Variants in PPARGC1A observed in about 807,000 individuals in gnomAD.
The protein encoded by PPARGC1A is PPARG coactivator 1 alpha, also known as peroxisome proliferator-activated receptor gamma coactivator 1-alpha.
In PPARGC1A, 25 loss-of-function variants were observed where a neutral mutation model predicts 88.7. The observed-to-expected ratio is 0.28, with a 90% CI of 0.21 to 0.39. The LOEUF (loss-of-function observed/expected upper bound fraction) is 0.39, where lower values mean the gene tolerates loss of function less well. PPARGC1A is among the 10% of genes least tolerant of loss of function. PPARGC1A has a pLI of 1.00. For synonymous variants in PPARGC1A, 363 were observed against 355.6 expected (o/e 1.02, Z -0.24); for missense variants, 880 against 968.7 (o/e 0.91, Z 1.22).
rs535084060 is a variant in PPARGC1A, at chr4:23,841,777, C to A, written c.235-10026G>T. ...CCATCATCTTAAATCCCAACTTGTACTTTTTCTGTTCATTTAAATAATGCC... is the reference window on the plus strand; with the variant it reads ...CCATCATCTTAAATCCCAACTTGTAATTTTTCTGTTCATTTAAATAATGCC... On this transcript the variant is annotated intron_variant, in intron 2 of 12. Transcript: ENST00000264867. 1.2e-4 allele frequency among the ~76,000 whole-genome samples: 19 copies of A among 152,100 alleles called. No individual in the cohort carries two copies. In the South Asian group the frequency reaches 3.9e-3, roughly 31 times the overall value.
At chr4:23,984,976 A>G in the PPARGC1A span, among the ~76,000 whole-genome samples, 126,325 of 152,042 alleles carry the variant, frequency 0.83, 52,598 homozygotes, top group Non-Finnish European at 0.84. Context: ...CACTATACGC[A>G]ATGCCATCTA....
chr4:23,832,292 T>G (rs112951849), intron 2 of PPARGC1A, among the ~76,000 whole-genome samples: 3,502 of 152,226 alleles, frequency 0.023, 69 homozygotes, highest in Middle Eastern at 0.075. Context: ...TCCAAAATCA[T>G]TTATTTATTT....
At chr4:24,046,404 G>C in the PPARGC1A span, among the ~76,000 whole-genome samples, 5 of 152,094 alleles carry the variant, frequency 3.3e-5, no homozygotes, top group Non-Finnish European at 5.9e-5. Context: ...CTCTCTCAAA[G>C]GAGCCCCTTC....
the PPARGC1A span, among the ~76,000 whole-genome samples, chr4:24,067,442 A>T: frequency 6.6e-6 from 1 of 152,208 alleles, no homozygotes; most frequent in Non-Finnish European, 1.5e-5. Flanking sequence ...ATATACTTCC[A>T]GTAGGAAGCC....
At chr4:24,136,403 C>T in the PPARGC1A span, among the ~76,000 whole-genome samples, 1 of 152,124 alleles carries the variant, frequency 6.6e-6, no homozygotes, top group African/African-American at 2.4e-5. Flanking sequence ...TGTAAACACG[C>T]AAAGTAAGAT....
At chr4:24,211,136 G>A in the PPARGC1A span, among the ~76,000 whole-genome samples, 2 of 152,132 alleles carry the variant, frequency 1.3e-5, no homozygotes, top group East Asian at 3.8e-4. Context: ...CCCAGAGCCT[G>A]CCTAGCACGT....
the PPARGC1A span, among the ~76,000 whole-genome samples, chr4:24,038,356 T>C: frequency 6.6e-6 from 1 of 151,948 alleles, no homozygotes; most frequent in Non-Finnish European, 1.5e-5. Context: ...TGCATTAGAG[T>C]TTACCTAAGC....
the PPARGC1A span, among the ~76,000 whole-genome samples, chr4:24,266,101 G>C: frequency 3.9e-5 from 6 of 152,170 alleles, no homozygotes. Flanking sequence ...AGAACAGAAC[G>C]TAACGAGAGA....
chr4:24,082,008 C>T, the PPARGC1A span, among the ~76,000 whole-genome samples: 1 of 152,090 alleles, frequency 6.6e-6, no homozygotes, highest in East Asian at 1.9e-4. Flanking sequence ...AACTGAAATA[C>T]ACTTGATATG....
chr4:24,214,992 G>A, the PPARGC1A span, among the ~76,000 whole-genome samples: 1 of 152,180 alleles, frequency 6.6e-6, no homozygotes, highest in Non-Finnish European at 1.5e-5. Context: ...GGGTCCTTAA[G>A]TCTGTGGCTT....
At chr4:23,942,052 C>T in the PPARGC1A span, among the ~76,000 whole-genome samples, 1 of 151,752 alleles carries the variant, frequency 6.6e-6, no homozygotes, top group Non-Finnish European at 1.5e-5. Context: ...CAGATACAGT[C>T]TTTTCACTGT....
chr4:23,889,262 G>A, intron 1 of PPARGC1A: 1 of 985,352 alleles, frequency 1.0e-6, no homozygotes, highest in Non-Finnish European at 1.2e-6. Context: ...TGCCACCGAC[G>A]CGAACGGAAA....
rs1056394765 is a variant in PPARGC1A at position 23,889,367 on chromosome 4, C to G, written c.54+537G>C. On this transcript the variant is annotated intron_variant, in intron 1 of 12. Transcript: ENST00000264867. ...GGAAGCAGCATCGTTGTTTTGTGTT[C>G]TGTGGGAAAAGCAATCTAAAATAGC... 5 of 985,090 alleles carry G rather than the reference C, an allele frequency of 5.1e-6. No individual in the cohort carries two copies. The Admixed American group carries it at 2.5e-4, about 48-fold the overall frequency. 61.0% of individuals were successfully genotyped at this position (985,090 alleles called of 1,614,324 possible). A position where few individuals can be genotyped will look rare whatever the true frequency, so the allele number is the denominator to read the frequency against.
the PPARGC1A span, among the ~76,000 whole-genome samples, chr4:24,015,171 CATAA>C: frequency 2.6e-5 from 4 of 152,038 alleles, no homozygotes; most frequent in African/African-American, 9.6e-5. Flanking sequence ...GATATACAGT[CATAA>C]ATAAATATAC....
chr4:23,799,674 C>A (rs1718300554), intron 12 of PPARGC1A, among the ~76,000 whole-genome samples: 1 of 152,158 alleles, frequency 6.6e-6, no homozygotes, highest in South Asian at 2.1e-4. Context: ...GGCAAAGTTT[C>A]TATTGCTGCC....
At chr4:24,248,211 G>A in the PPARGC1A span, among the ~76,000 whole-genome samples, 3 of 151,900 alleles carry the variant, frequency 2.0e-5, no homozygotes, top group Admixed American at 6.6e-5. Flanking sequence ...TGCAAGCTCC[G>A]CCTCCCGGGT....
the PPARGC1A span, among the ~76,000 whole-genome samples, chr4:24,171,739 T>A: frequency 2.6e-5 from 4 of 152,256 alleles, no homozygotes; most frequent in African/African-American, 9.6e-5. Flanking sequence ...TATTAATTCA[T>A]GATAGATGTA....
the PPARGC1A span, among the ~76,000 whole-genome samples, chr4:24,139,840 CA>C: frequency 6.6e-6 from 1 of 152,106 alleles, no homozygotes; most frequent in Non-Finnish European, 1.5e-5. Context: ...CTGAGTGCAC[CA>C]AAAAGGAGGT....
chr4:23,802,138 T>A (rs1395814200), intron 11 of PPARGC1A, 86 bp downstream of exon 11: 2 of 1,567,624 alleles, frequency 1.3e-6, no homozygotes, highest in African/African-American at 2.7e-5. Context: ...GCACTTACAT[T>A]GGCAACTCCC....
Sources: gnomAD v4.1 joint callset for allele counts (sites outside exome capture counted in the v4.1 genomes callset) on GRCh38, gnomAD v4.1.1 for gene constraint, MANE v1.5 for transcripts, NCBI Gene and HGNC (gene_info 2026-07-23, HGNC 2026-07-21) for gene names.